DMXL1: variants seen among roughly 807,000 people sequenced by gnomAD.
DMXL1 encodes dmX-like protein 1.
In DMXL1, 99 loss-of-function variants were observed where a neutral mutation model predicts 319.2. The observed-to-expected ratio is 0.31, with a 90% CI of 0.26 to 0.37. The LOEUF (loss-of-function observed/expected upper bound fraction) is 0.37, where lower values mean the gene tolerates loss of function less well. Ranked by LOEUF, DMXL1 falls within the 10% of genes least tolerant of loss-of-function variation. The pLI is 1.00. For missense variants in DMXL1, 3,745 were observed against 3,595.6 expected (o/e 1.04, Z -1.06); for synonymous variants, 1,385 against 1,235.2 (o/e 1.12, Z -2.54).
At position 119,138,339 on chromosome 5, in the gene DMXL1, G is replaced by A. The variant is rs909133926; in HGVS notation, c.2376+3950G>A. Among the ~76,000 whole-genome samples, 5 of 152,200 alleles carry A rather than the reference G, an allele frequency of 3.3e-5. No homozygotes were observed. In the East Asian group the frequency reaches 9.6e-4, roughly 29 times the overall value. ...TGAGATGTGGAAGAATGTAGAAGTA[G>A]CAGGTTTTGAGGGGCAGGGAAATTC... On this transcript the variant is annotated intron_variant, in intron 13 of 43. Coordinates refer to ENST00000539542, the MANE Select transcript of DMXL1 (RefSeq NM_001290321.3).
chr5:119,147,869 A>G (rs900130128), intron 17 of DMXL1, among the ~76,000 whole-genome samples: 2 of 152,126 alleles, frequency 1.3e-5, no homozygotes, highest in Non-Finnish European at 2.9e-5. Context: ...GTGGTTTTCA[A>G]AGTGTCCCCA....
At chr5:119,227,211 T>G (rs952563936) in intron 38 of DMXL1, among the ~76,000 whole-genome samples, 2 of 152,168 alleles carry the variant, frequency 1.3e-5, no homozygotes, top group Non-Finnish European at 2.9e-5. Flanking sequence ...CTGGGTCATT[T>G]TTTTTCCCTT....
At chr5:119,191,513 T>G (rs1458883263) in intron 29 of DMXL1, among the ~76,000 whole-genome samples, 1 of 152,244 alleles carries the variant, frequency 6.6e-6, no homozygotes, top group Non-Finnish European at 1.5e-5. Context: ...AGGAATATCT[T>G]TATTTCACCT....
chr5:119,143,394 T>A (rs150728574), intron 13 of DMXL1, among the ~76,000 whole-genome samples: 2 of 151,950 alleles, frequency 1.3e-5, no homozygotes, highest in Admixed American at 6.6e-5. Context: ...GATTTGAAAA[T>A]AGACCACTGA....
At chr5:119,117,421 A>G (rs910845921) in intron 7 of DMXL1, among the ~76,000 whole-genome samples, 4 of 152,048 alleles carry the variant, frequency 2.6e-5, no homozygotes, top group Non-Finnish European at 5.9e-5. Context: ...TCACTGTTCT[A>G]TGAATTTTGC....
At chr5:119,118,765 A>G (rs1425163740) in intron 7 of DMXL1, 50 bp from the exon 8 acceptor site, 1 of 1,394,028 alleles carries the variant, frequency 7.2e-7, no homozygotes, top group East Asian at 2.3e-5. Flanking sequence ...AATTTCTGTG[A>G]TACTATGTGA....
At chr5:119,201,211 A>C (rs1171586399) in intron 32 of DMXL1, among the ~76,000 whole-genome samples, 1 of 152,206 alleles carries the variant, frequency 6.6e-6, no homozygotes, top group Non-Finnish European at 1.5e-5. Flanking sequence ...GGTTTGTCAT[A>C]GATGGCTCTT....
At position 119,133,324 on chromosome 5, in the gene DMXL1, T is replaced by G; in HGVS notation, c.1508T>G (p.Leu503Trp). The change falls in exon 11 of 44, where the codon TTG becomes TGG. Residue 503 changes from leucine (L) to tryptophan (W), a missense_variant. This residue lies in a region of DMXL1 where 2,096 missense variants were observed against 1,985.4 expected (regional missense o/e 1.06). Transcript: ENST00000539542. ...AGTATTCATCCCATGGATGGTTCTTTGCTAGTTTGGCATGTGGATTGGCTG... is the reference window on the plus strand; with the variant it reads ...AGTATTCATCCCATGGATGGTTCTTGGCTAGTTTGGCATGTGGATTGGCTG... The part of the protein sequence containing the change: ...LFSIHPMDGS[L>W]LVWHVDWLDE... 1 of 1,614,048 alleles carries G rather than the reference T, an allele frequency of 6.2e-7. No individual in the cohort carries two copies. Among genetic ancestry groups the G allele is most frequent in the Non-Finnish European group, 8.5e-7 (1 of 1,179,924 alleles).
intron 1 of DMXL1, among the ~76,000 whole-genome samples, chr5:119,078,873 A>T (rs979031284): frequency 1.3e-5 from 2 of 152,234 alleles, no homozygotes; most frequent in African/African-American, 4.8e-5. Context: ...ATTGCTACAC[A>T]TTTTAACTTT....
At chr5:119,196,243 ATTTTG>A in intron 30 of DMXL1, 123 bp from the exon 31 acceptor site, 1 of 705,698 alleles carries the variant, frequency 1.4e-6, no homozygotes, top group Non-Finnish European at 2.5e-6. Flanking sequence ...TGCATATATT[ATTTTG>A]TTTTCATAGA....
intron 43 of DMXL1, among the ~76,000 whole-genome samples, chr5:119,244,929 A>G (rs970082517): frequency 7.9e-5 from 12 of 152,134 alleles, no homozygotes; most frequent in African/African-American, 2.9e-4. Flanking sequence ...TTTATCCCAC[A>G]TTGCTCGCCA....
chr5:119,083,123 G>A (rs572645462), intron 1 of DMXL1, among the ~76,000 whole-genome samples: 228 of 152,158 alleles, frequency 1.5e-3, no homozygotes, highest in African/African-American at 5.1e-3. Context: ...CGATTGTTGT[G>A]CCTCAGCCTC....
chr5:119,133,200 G>T lies in DMXL1; in HGVS notation c.1384G>T (p.Val462Leu), dbSNP rs1477151595. ...EKKELGCDKM[V>L]PNSSFTSLSS... The stretch of plus-strand genomic sequence containing the variant: ...GAAGGAATTAGGCTGTGATAAAATG[G>T]TACCAAACTCAAGTTTTACATCATT... The change falls in exon 11 of 44, where the codon GTA becomes TTA. Residue 462 changes from valine (V) to leucine (L), a missense_variant. Around this residue, in one of 4 missense-constraint regions of DMXL1, gnomAD observed 2,096 missense variants for 1,985.4 expected, o/e 1.06. Coordinates refer to ENST00000539542, the MANE Select transcript of DMXL1 (RefSeq NM_001290321.3). 1 of 1,614,046 alleles carries T rather than the reference G, an allele frequency of 6.2e-7. No homozygotes were observed. Among genetic ancestry groups the T allele is most frequent in the Non-Finnish European group, 8.5e-7 (1 of 1,180,036 alleles).
Position 119,221,053 on chromosome 5 carries a change from G to A in DMXL1, c.8249G>A (p.Ser2750Asn). ...CCAATCAACATGCCATGGCTTGGTAGTACACAGACTGGCAGAGGAGCATCT... is the reference window on the plus strand; with the variant it reads ...CCAATCAACATGCCATGGCTTGGTAATACACAGACTGGCAGAGGAGCATCT... ...GTPINMPWLG[S>N]TQTGRGASVM... Residue 2750 changes from serine to asparagine, a missense_variant, in exon 37 of 44, where the codon AGT (serine) becomes AAT (asparagine). Ser to Asn is a conservative substitution (Grantham distance 46, BLOSUM62 1). Around this residue, in one of 4 missense-constraint regions of DMXL1, gnomAD observed 1,382 missense variants for 1,269.5 expected, o/e 1.09. Transcript: ENST00000539542. 6.2e-7 allele frequency: 1 copy of A among 1,613,332 alleles called. No individual in the cohort carries two copies. The highest frequency in any genetic ancestry group is 8.5e-7 in the Non-Finnish European group (1 of 1,179,612).
At chr5:119,173,598 T>C (rs991323618) in intron 25 of DMXL1, among the ~76,000 whole-genome samples, 19 of 151,212 alleles carry the variant, frequency 1.3e-4, no homozygotes, top group African/African-American at 4.4e-4. Context: ...CTGGGTCATA[T>C]GTATCTCATC....
chr5:119,128,642 A>G (rs1264350504), intron 9 of DMXL1, among the ~76,000 whole-genome samples: 1 of 152,000 alleles, frequency 6.6e-6, no homozygotes, highest in Non-Finnish European at 1.5e-5. Context: ...CATCAATTGT[A>G]ATAAATGTAC....
chr5:119,105,408 A>G, intron 4 of DMXL1, 150 bp downstream of exon 4: 2 of 606,904 alleles, frequency 3.3e-6, no homozygotes, highest in South Asian at 2.2e-5. Context: ...TAGAGTTTAT[A>G]CTGAAATGAA....
At chr5:119,206,197 A>G (rs1781710879) in intron 33 of DMXL1, among the ~76,000 whole-genome samples, 1 of 151,102 alleles carries the variant, frequency 6.6e-6, no homozygotes, top group Non-Finnish European at 1.5e-5. Context: ...GGACTTGACA[A>G]CTCCCATCAT....
chr5:119,220,671 ATTCTT>A, intron 36 of DMXL1, 78 bp downstream of exon 36: 2 of 1,526,552 alleles, frequency 1.3e-6, no homozygotes, highest in Non-Finnish European at 1.8e-6. Context: ...CTTTCAAAAG[ATTCTT>A]TAAAGCAATG....
Sources: allele counts gnomAD v4.1 joint callset (sites outside exome capture counted in the v4.1 genomes callset), GRCh38; gene constraint gnomAD v4.1.1; regional missense constraint gnomAD v4.1.1; transcripts MANE v1.5; gene names NCBI Gene and HGNC (gene_info 2026-07-23, HGNC 2026-07-21).